Variants in PPP3CA observed in about 807,000 individuals in gnomAD.
The protein encoded by PPP3CA is CAM-PRP catalytic subunit.
In PPP3CA, 14 loss-of-function variants were observed where a neutral mutation model predicts 66.5. The observed-to-expected ratio is 0.21, with a 90% CI of 0.14 to 0.33. The LOEUF is 0.33. Among genes scored for constraint, PPP3CA ranks in the 10% least tolerant of loss-of-function variants. The pLI is 1.00. For missense variants in PPP3CA, 317 were observed against 639.5 expected, an observed-to-expected ratio of 0.50 and a Z score of 5.44; for synonymous variants, 232 against 226.2, an observed-to-expected ratio of 1.03 and a Z score of -0.23.
chr4:101,279,811 A>G (rs1366938445), intron 1 of PPP3CA, among the ~76,000 whole-genome samples: 1 of 152,228 alleles, frequency 6.6e-6, no homozygotes, highest in Non-Finnish European at 1.5e-5. Context: ...TCCAAGAAGA[A>G]GCTAGAATGA....
At chr4:101,109,688 T>C (rs1721607084) in intron 2 of PPP3CA, among the ~76,000 whole-genome samples, 1 of 150,020 alleles carries the variant, frequency 6.7e-6, no homozygotes, top group Admixed American at 6.6e-5. Flanking sequence ...CAATTAAACT[T>C]AAATTATAAA....
chr4:101,315,698 A>G (rs1728863901), intron 1 of PPP3CA, among the ~76,000 whole-genome samples: 1 of 152,232 alleles, frequency 6.6e-6, no homozygotes, highest in Non-Finnish European at 1.5e-5. Flanking sequence ...GCTCACAGAA[A>G]TTAAGTCAAA....
chr4:101,147,517 G>A (rs747475169), intron 2 of PPP3CA, among the ~76,000 whole-genome samples: 10 of 152,098 alleles, frequency 6.6e-5, no homozygotes, highest in Non-Finnish European at 1.3e-4. Context: ...AAAAAGCTGA[G>A]CCCATTGAAA....
intron 11 of PPP3CA, among the ~76,000 whole-genome samples, chr4:101,037,503 A>G (rs2110209088): frequency 6.6e-6 from 1 of 151,858 alleles, no homozygotes; most frequent in Admixed American, 6.6e-5. Context: ...AATTCCTTGT[A>G]TTTGTCCTTT....
chr4:101,045,642 GTT>G lies in PPP3CA; in HGVS notation c.1157-5078_1157-5077del, dbSNP rs1727731488. Among the ~76,000 whole-genome samples, 4 of 152,322 alleles carry G rather than the reference GTT, an allele frequency of 2.6e-5. No individual in the cohort carries two copies. The South Asian group carries it at 8.3e-4, about 32-fold the overall frequency. ...GGGTAAGAAGTTTGATGTGAATGAA[GTT>G]TGAGTAAACGCGGAAGATGGTAGGG... is the stretch of plus-strand genomic sequence containing the variant. On this transcript the variant is annotated intron_variant, in intron 10 of 13. Transcript: ENST00000394854.
At chr4:101,265,098 T>C (rs1727130170) in intron 1 of PPP3CA, among the ~76,000 whole-genome samples, 3 of 152,126 alleles carry the variant, frequency 2.0e-5, no homozygotes, top group Non-Finnish European at 2.9e-5. Context: ...TTGTAGGTTA[T>C]AATTTGTTAG....
chr4:101,083,046 A>G, intron 7 of PPP3CA, 140 bp downstream of exon 7: 1 of 524,236 alleles, frequency 1.9e-6, no homozygotes, highest in East Asian at 3.1e-5. Flanking sequence ...TACCTGTGTC[A>G]TCCATCAGAA....
intron 1 of PPP3CA, among the ~76,000 whole-genome samples, chr4:101,314,562 T>C (rs1352841841): frequency 5.0e-5 from 3 of 59,718 alleles, no homozygotes; most frequent in Non-Finnish European, 7.6e-5. Context: ...AGACTCCATC[T>C]CAAAACCAAA....
At chr4:101,195,448 G>A (rs1724758729) in intron 2 of PPP3CA, among the ~76,000 whole-genome samples, 2 of 152,094 alleles carry the variant, frequency 1.3e-5, no homozygotes, top group Admixed American at 6.5e-5. Flanking sequence ...TCAGTAGGCT[G>A]GAGTGGGGCC....
At chr4:101,277,046 C>T (rs1022847560) in intron 1 of PPP3CA, among the ~76,000 whole-genome samples, 2 of 151,652 alleles carry the variant, frequency 1.3e-5, no homozygotes, top group Non-Finnish European at 2.9e-5. Flanking sequence ...CTGTGCTCCA[C>T]CTATTCATCC....
intron 11 of PPP3CA, among the ~76,000 whole-genome samples, chr4:101,034,489 C>T (rs1727151656): frequency 6.6e-6 from 1 of 151,872 alleles, no homozygotes; most frequent in Non-Finnish European, 1.5e-5. Flanking sequence ...TCCCCTCCTG[C>T]CATGCCCCCA....
At chr4:101,314,025 G>C (rs1386012421) in intron 1 of PPP3CA, among the ~76,000 whole-genome samples, 1 of 152,150 alleles carries the variant, frequency 6.6e-6, no homozygotes, top group African/African-American at 2.4e-5. Context: ...ACACTAATGA[G>C]AGTCTGTCAA....
chr4:101,285,326 A>G (rs980145705), intron 1 of PPP3CA, among the ~76,000 whole-genome samples: 1 of 152,178 alleles, frequency 6.6e-6, no homozygotes, highest in African/African-American at 2.4e-5. Flanking sequence ...CCTCCCAACC[A>G]TCCCTTCCAT....
At chr4:101,081,320 T>C (rs1729429755) in intron 7 of PPP3CA, among the ~76,000 whole-genome samples, 2 of 152,146 alleles carry the variant, frequency 1.3e-5, no homozygotes, top group South Asian at 4.1e-4. Context: ...TTATTACCAA[T>C]CTCTGCTGGT....
At chr4:101,197,236 CAAA>C (rs1418112843) in intron 1 of PPP3CA, among the ~76,000 whole-genome samples, 1 of 152,162 alleles carries the variant, frequency 6.6e-6, no homozygotes, top group Non-Finnish European at 1.5e-5. Flanking sequence ...AAGTGTCTCT[CAAA>C]GAAGCAAGAC....
intron 2 of PPP3CA, among the ~76,000 whole-genome samples, chr4:101,135,218 T>C (rs2110286391): frequency 7.1e-6 from 1 of 140,022 alleles, no homozygotes; most frequent in Non-Finnish European, 1.6e-5. Context: ...TAAAGTATAA[T>C]AACAATAAAA....
In PPP3CA at chr4:101,316,113, A is replaced by ACT. The variant is rs760387073; in HGVS notation, c.58+30624_58+30625dup. 1.1e-4 allele frequency among the ~76,000 whole-genome samples: 17 copies of ACT among 151,788 alleles called. No individual in the cohort carries two copies. The South Asian group carries it at 3.3e-3, about 30-fold the overall frequency. On this transcript the variant is annotated intron_variant, in intron 1 of 13. Coordinates refer to ENST00000394854, the MANE Select transcript of PPP3CA (RefSeq NM_000944.5). ...CCCAGGAAAAGAACTTATCACACAG[A>ACT]CTCACGTGACTACAAAGGAATCTAC...
intron 1 of PPP3CA, among the ~76,000 whole-genome samples, chr4:101,209,475 C>A (rs1725236178): frequency 6.6e-6 from 1 of 152,098 alleles, no homozygotes; most frequent in South Asian, 2.1e-4. Flanking sequence ...TGTAATTACC[C>A]TGGGGATCGC....
chr4:101,065,053 ATCC>A (rs1728625092), intron 8 of PPP3CA, among the ~76,000 whole-genome samples: 1 of 151,982 alleles, frequency 6.6e-6, no homozygotes, highest in African/African-American at 2.4e-5. Flanking sequence ...GAAGGTAGTT[ATCC>A]TCTTCTTCCT....
Sources: allele counts gnomAD v4.1 joint callset (sites outside exome capture counted in the v4.1 genomes callset), GRCh38; gene constraint gnomAD v4.1.1; transcripts MANE v1.5; gene names NCBI Gene and HGNC (gene_info 2026-07-23, HGNC 2026-07-21).